Variants in GCLM observed in about 807,000 individuals in gnomAD.
GCLM encodes glutamate-cysteine ligase modifier subunit.
A neutral mutation model predicts 36.0 loss-of-function variants in GCLM; 15 were observed. The ratio of observed to expected loss-of-function variants is 0.42; its 90% CI spans 0.28 to 0.64. The LOEUF (loss-of-function observed/expected upper bound fraction) is 0.64, where lower values mean the gene tolerates loss of function less well. GCLM is among the 30% of genes least tolerant of loss of function. The probability of loss-of-function intolerance (pLI) is 0.25; values close to 1 mark genes in which losing one functional copy is unlikely to be tolerated. For missense variants in GCLM, 242 were observed against 325.5 expected (o/e 0.74, Z 1.97); for synonymous variants, 129 against 122.8 (o/e 1.05, Z -0.34).
rs2100900148 is a variant in GCLM, at chr1:93,887,075, A to T, written c.*1915T>A. ...CAATGGCGTGATCTCGGCTCACTGC[A>T]AACTCCGCCTCCCAGGTTCAAGCGA... On this transcript the variant is annotated 3_prime_UTR_variant, in exon 7 of 7. Transcript: ENST00000370238. 1 of 148,226 alleles carries T rather than the reference A, an allele frequency of 6.7e-6. No individual in the cohort carries two copies. Among genetic ancestry groups the T allele is most frequent in the African/African-American group, 2.5e-5 (1 of 39,788 alleles). 9.2% of individuals were successfully genotyped at this position (148,226 alleles called of 1,614,324 possible).
At chr1:93,908,299 C>T (rs1468446799) in intron 1 of GCLM, among the ~76,000 whole-genome samples, 5 of 152,152 alleles carry the variant, frequency 3.3e-5, no homozygotes, top group Non-Finnish European at 5.9e-5. Context: ...CTGTCACCTC[C>T]AACTAGTGAC....
intron 3 of GCLM, among the ~76,000 whole-genome samples, chr1:93,898,331 G>GAAAA (rs1656814607): frequency 3.9e-4 from 21 of 53,936 alleles, no homozygotes; most frequent in African/African-American, 2.0e-3. Context: ...AAAAAAAAAG[G>GAAAA]CCACAATTCT....
intron 2 of GCLM, among the ~76,000 whole-genome samples, chr1:93,903,654 T>C (rs191004113): frequency 5.3e-5 from 8 of 152,178 alleles, no homozygotes; most frequent in Admixed American, 2.0e-4. Flanking sequence ...ACTTTTTTTT[T>C]CCTGAGTGCA....
At chr1:93,891,268 T>C (rs980529124) in intron 6 of GCLM, among the ~76,000 whole-genome samples, 2 of 152,126 alleles carry the variant, frequency 1.3e-5, no homozygotes, top group African/African-American at 4.8e-5. Context: ...CTCACTCCTC[T>C]GGCCACACTG....
intron 2 of GCLM, among the ~76,000 whole-genome samples, chr1:93,903,250 A>G (rs1657023617): frequency 6.6e-6 from 1 of 151,824 alleles, no homozygotes; most frequent in African/African-American, 2.4e-5. Context: ...TTTTATGACA[A>G]TAGTATATTT....
At position 93,900,740 on chromosome 1, in the gene GCLM, T is replaced by C. The variant is rs17878727; in HGVS notation, c.277+845A>G. On this transcript the variant is annotated intron_variant, in intron 3 of 6. Coordinates refer to ENST00000370238, the MANE Select transcript of GCLM (RefSeq NM_002061.4). ...ATACCCTATCTCATCTTACATGTAA[T>C]TTATTATTATTATCCATCTCAATAA... Among the ~76,000 whole-genome samples the C allele has an allele frequency of 5.1e-3, 784 of 152,312 alleles. 2 individuals carry two copies. Among genetic ancestry groups the C allele is most frequent in the Non-Finnish European group, 8.7e-3 (594 of 68,030 alleles).
intron 5 of GCLM, among the ~76,000 whole-genome samples, chr1:93,895,328 A>C (rs1052814506): frequency 2.0e-5 from 3 of 152,072 alleles, no homozygotes; most frequent in Admixed American, 2.0e-4. Flanking sequence ...GTACTACACT[A>C]TTAAAAAGTC....
chr1:93,895,887 T>C (rs998988461), intron 5 of GCLM, among the ~76,000 whole-genome samples: 5 of 152,104 alleles, frequency 3.3e-5, no homozygotes, highest in Admixed American at 6.6e-5. Flanking sequence ...ATATCTGTTA[T>C]ATATAAAATA....
chr1:93,902,467 C>T (rs1018472632), intron 2 of GCLM, among the ~76,000 whole-genome samples: 6 of 150,684 alleles, frequency 4.0e-5, no homozygotes, highest in African/African-American at 9.7e-5. Flanking sequence ...CATGAGCCAC[C>T]GCGCCCAGCC....
chr1:93,890,795 C>T (rs571450747), intron 6 of GCLM, among the ~76,000 whole-genome samples: 23 of 152,140 alleles, frequency 1.5e-4, no homozygotes, highest in African/African-American at 5.3e-4. Flanking sequence ...TTGCCAACTG[C>T]TTTACAGAAA....
chr1:93,907,372 C>CA (rs1657181408), intron 1 of GCLM, among the ~76,000 whole-genome samples: 3 of 152,008 alleles, frequency 2.0e-5, no homozygotes, highest in African/African-American at 7.3e-5. Flanking sequence ...CTCTGAGCAT[C>CA]AAGAAATCAA....
chr1:93,905,140 T>A (rs925762210), intron 1 of GCLM, among the ~76,000 whole-genome samples: 29 of 138,294 alleles, frequency 2.1e-4, no homozygotes, highest in Non-Finnish European at 3.8e-4. Context: ...GCCATTTCAT[T>A]CCAGCCTGGG....
chr1:93,895,618 A>G (rs1222275094), intron 5 of GCLM, among the ~76,000 whole-genome samples: 3 of 152,182 alleles, frequency 2.0e-5, no homozygotes, highest in African/African-American at 7.2e-5. Context: ...CATTCTGGCT[A>G]TCATCAAGGA....
intron 1 of GCLM, among the ~76,000 whole-genome samples, chr1:93,905,250 C>T (rs750540492): frequency 5.9e-5 from 9 of 151,354 alleles, no homozygotes; most frequent in Non-Finnish European, 1.2e-4. Context: ...GAGTCAAGCC[C>T]AGGCTGTCTG....
In GCLM at chr1:93,909,247, C is replaced by CGAGGCCCGAGA; in HGVS notation, c.-95_-85dup. Reference sequence around the variant, plus strand: ...CGGCCGCCCCACAGGACGCGGTGCCCGAGGCCCGAGAGAGACCCGAGAGGG... The same window carrying CGAGGCCCGAGA: ...CGGCCGCCCCACAGGACGCGGTGCCCGAGGCCCGAGAGAGGCCCGAGAGAGACCCGAGAGGG... On this transcript the variant is annotated 5_prime_UTR_variant, in exon 1 of 7. Coordinates refer to ENST00000370238, the MANE Select transcript of GCLM (RefSeq NM_002061.4). 30 of 1,097,370 alleles carry CGAGGCCCGAGA rather than the reference C, an allele frequency of 2.7e-5. No homozygotes were observed. Among genetic ancestry groups the CGAGGCCCGAGA allele is most frequent in the Non-Finnish European group, 3.2e-5 (29 of 904,874 alleles). The allele number at this position is 1,097,370 out of a possible 1,614,324, so 68.0% of individuals were successfully genotyped here.
chr1:93,903,733 A>C (rs1410642754), intron 2 of GCLM, among the ~76,000 whole-genome samples: 1 of 152,236 alleles, frequency 6.6e-6, no homozygotes, highest in East Asian at 1.9e-4. Context: ...AGAAAATATT[A>C]GTACATATAA....
chr1:93,906,023 G>A (rs1162990267), intron 1 of GCLM, among the ~76,000 whole-genome samples: 3 of 152,186 alleles, frequency 2.0e-5, no homozygotes, highest in African/African-American at 7.2e-5. Flanking sequence ...AATAGAAACA[G>A]CAGACACTAA....
chr1:93,904,485 T>C, intron 2 of GCLM, 38 bp downstream of exon 2: 1 of 1,320,082 alleles, frequency 7.6e-7, no homozygotes, highest in Non-Finnish European at 1.1e-6. Flanking sequence ...TTACTTCCTT[T>C]TTGACCTGCA....
In GCLM at chr1:93,886,797, T is replaced by TC. The variant is rs1656322055; in HGVS notation, c.*2192dup. The TC allele has an allele frequency of 6.6e-6, 1 of 152,098 alleles. No homozygotes were observed. The highest frequency in any genetic ancestry group is 6.5e-5 in the Admixed American group (1 of 15,268). 9.4% of individuals were successfully genotyped at this position (152,098 alleles called of 1,614,324 possible). On this transcript the variant is annotated 3_prime_UTR_variant, in exon 7 of 7. Coordinates refer to ENST00000370238, the MANE Select transcript of GCLM (RefSeq NM_002061.4). ...TCCCTCTTAAAATATCTTGGCCAGT[T>TC]CACTGTATAGATTTAAAATAAAATG...
Sources: gnomAD v4.1 joint callset for allele counts (sites outside exome capture counted in the v4.1 genomes callset) on GRCh38, gnomAD v4.1.1 for gene constraint, MANE v1.5 for transcripts, NCBI Gene and HGNC (gene_info 2026-07-23, HGNC 2026-07-21) for gene names.